Variants in PITPNC1 observed in about 807,000 individuals in gnomAD.
PITPNC1 encodes phosphatidylinositol transfer protein cytoplasmic 1.
PITPNC1 carries 18 observed loss-of-function variants against 44.7 expected under a neutral mutation model. The observed-to-expected ratio is 0.40, with a 90% CI of 0.28 to 0.60. The LOEUF (loss-of-function observed/expected upper bound fraction) is 0.60, where lower values mean the gene tolerates loss of function less well. PITPNC1 is among the 20% of genes least tolerant of loss of function. The probability of loss-of-function intolerance (pLI) is 0.39; values close to 1 mark genes in which losing one functional copy is unlikely to be tolerated. For synonymous variants in PITPNC1, 141 were observed against 149.6 expected, an observed-to-expected ratio of 0.94 and a Z score of 0.42; for missense variants, 290 against 418.4, an observed-to-expected ratio of 0.69 and a Z score of 2.68.
chr17:67,429,240 T>C (rs1201244353), intron 1 of PITPNC1, among the ~76,000 whole-genome samples: 1 of 152,232 alleles, frequency 6.6e-6, no homozygotes, highest in Non-Finnish European at 1.5e-5. Context: ...TATTCATGTA[T>C]TGACCAGGTA....
At chr17:67,691,951 G>T (rs971641853) in intron 8 of PITPNC1, among the ~76,000 whole-genome samples, 4 of 151,854 alleles carry the variant, frequency 2.6e-5, no homozygotes, top group Non-Finnish European at 5.9e-5. Flanking sequence ...CGAGACTGCC[G>T]TGAGTCATGA....
At chr17:67,506,752 C>T (rs761178582) in intron 1 of PITPNC1, among the ~76,000 whole-genome samples, 1 of 151,940 alleles carries the variant, frequency 6.6e-6, no homozygotes, top group Non-Finnish European at 1.5e-5. Flanking sequence ...TTTATGCAAC[C>T]ATTGATAATT....
intron 4 of PITPNC1, 39 bp from the exon 5 acceptor site, chr17:67,578,147 A>T (rs746309373): frequency 7.1e-7 from 1 of 1,399,518 alleles, no homozygotes; most frequent in South Asian, 1.2e-5. Flanking sequence ...GAAGAGAGAA[A>T]AAATGTTATG....
At chr17:67,542,580 G>A (rs1041185859) in intron 2 of PITPNC1, among the ~76,000 whole-genome samples, 3 of 152,174 alleles carry the variant, frequency 2.0e-5, no homozygotes, top group African/African-American at 7.2e-5. Flanking sequence ...CCTGATCAAG[G>A]TAGGGTCCAA....
intron 1 of PITPNC1, among the ~76,000 whole-genome samples, chr17:67,385,708 G>A (rs1486724029): frequency 6.6e-6 from 1 of 151,910 alleles, no homozygotes; most frequent in South Asian, 2.1e-4. Flanking sequence ...CACAGCCAGG[G>A]GACAGTGGAG....
At chr17:67,483,909 G>A (rs899707893) in intron 1 of PITPNC1, among the ~76,000 whole-genome samples, 7 of 135,092 alleles carry the variant, frequency 5.2e-5, no homozygotes, top group South Asian at 2.4e-4. Context: ...CCTTGCTAAC[G>A]TTTTCTTTCT....
chr17:67,549,193 C>A (rs1490501929), intron 2 of PITPNC1, among the ~76,000 whole-genome samples: 1 of 152,124 alleles, frequency 6.6e-6, no homozygotes, highest in African/African-American at 2.4e-5. Context: ...GTGGTTCATG[C>A]CAGTAATCCC....
chr17:67,425,199 A>ACGCG (rs1567984726), intron 1 of PITPNC1, among the ~76,000 whole-genome samples: 3 of 62,602 alleles, frequency 4.8e-5, no homozygotes, highest in Non-Finnish European at 9.7e-5. Context: ...GCGCGCACGC[A>ACGCG]CACGCACACA....
At chr17:67,450,375 T>TAA (rs56265343) in intron 1 of PITPNC1, among the ~76,000 whole-genome samples, 1 of 148,490 alleles carries the variant, frequency 6.7e-6, no homozygotes, top group Non-Finnish European at 1.5e-5. Flanking sequence ...GAGACTTCGT[T>TAA]AAAAAAAAAA....
intron 1 of PITPNC1, among the ~76,000 whole-genome samples, chr17:67,406,096 G>C (rs1670073791): frequency 6.6e-6 from 1 of 152,038 alleles, no homozygotes; most frequent in Non-Finnish European, 1.5e-5. Flanking sequence ...ATATTCTTAA[G>C]GTTATGCACC....
intron 2 of PITPNC1, among the ~76,000 whole-genome samples, chr17:67,550,140 A>G (rs529223644): frequency 7.2e-5 from 11 of 152,302 alleles, no homozygotes; most frequent in Admixed American, 5.9e-4. Flanking sequence ...GCGTGAACGT[A>G]AGGGAAATGA....
intron 5 of PITPNC1, among the ~76,000 whole-genome samples, chr17:67,622,764 T>C (rs2041849844): frequency 6.6e-6 from 1 of 151,860 alleles, no homozygotes; most frequent in South Asian, 2.1e-4. Flanking sequence ...TAGTCCCAGC[T>C]ACTTGGGAGG....
At chr17:67,493,815 T>G (rs1247640248) in intron 1 of PITPNC1, among the ~76,000 whole-genome samples, 1 of 152,194 alleles carries the variant, frequency 6.6e-6, no homozygotes, top group Non-Finnish European at 1.5e-5. Context: ...CAAAAGCAAT[T>G]TGTCTTCCTT....
At position 67,541,468 on chromosome 17, in the gene PITPNC1, TACAC is replaced by T. The variant is rs3051696; in HGVS notation, c.197+8538_197+8541del. Among the ~76,000 whole-genome samples, 1,388 of 149,580 alleles carry T rather than the reference TACAC, an allele frequency of 9.3e-3. 13 individuals carry two copies. The highest frequency in any genetic ancestry group is 0.031 in the African/African-American group (1,249 of 40,822). On this transcript the variant is annotated intron_variant, in intron 2 of 8. Transcript: ENST00000581322. ...CAATTCAATATGAAGCAATTATACA[TACAC>T]ACACACACACACACACACAATAATT...
intron 1 of PITPNC1, 102 bp downstream of exon 1, chr17:67,378,304 G>T: frequency 1.4e-6 from 1 of 695,680 alleles, no homozygotes; most frequent in South Asian, 2.4e-5. Context: ...AAACCCAGGT[G>T]GACGTTACCC....
At chr17:67,533,985 C>G (rs1316791409) in intron 2 of PITPNC1, among the ~76,000 whole-genome samples, 1 of 152,044 alleles carries the variant, frequency 6.6e-6, no homozygotes, top group Non-Finnish European at 1.5e-5. Context: ...ACCTCCGCCT[C>G]CTGGGTTCAA....
chr17:67,504,741 A>C (rs531964189), intron 1 of PITPNC1, among the ~76,000 whole-genome samples: 1 of 152,204 alleles, frequency 6.6e-6, no homozygotes, highest in South Asian at 2.1e-4. Flanking sequence ...TCTATTCTCT[A>C]GTTCATTAGT....
At chr17:67,567,440 C>T (rs557492677) in intron 4 of PITPNC1, among the ~76,000 whole-genome samples, 33 of 151,808 alleles carry the variant, frequency 2.2e-4, no homozygotes, top group Non-Finnish European at 2.8e-4. Context: ...GCCAAAATTG[C>T]GCCACTGCAA....
At chr17:67,612,696 T>C (rs1348312827) in intron 5 of PITPNC1, 1 of 151,340 alleles carries the variant, frequency 6.6e-6, no homozygotes, top group Non-Finnish European at 1.5e-5. Context: ...GATGGATGGA[T>C]GGATGGATGG....
Sources: gnomAD v4.1 joint callset for allele counts (sites outside exome capture counted in the v4.1 genomes callset) on GRCh38, gnomAD v4.1.1 for gene constraint, MANE v1.5 for transcripts, NCBI Gene and HGNC (gene_info 2026-07-23, HGNC 2026-07-21) for gene names.